Variants in LRP1B observed in about 807,000 individuals in gnomAD.
The protein encoded by LRP1B is LDL receptor related protein 1B.
LRP1B carries 217 observed loss-of-function variants against 556.6 expected under a neutral mutation model. The observed-to-expected ratio is 0.39, with a 90% confidence interval of 0.35 to 0.44. LRP1B has a LOEUF of 0.44. Among genes scored for constraint, LRP1B ranks in the 20% least tolerant of loss-of-function variants. The pLI is 1.00. For missense variants in LRP1B, 5,053 were observed against 5,620.8 expected (o/e 0.90, Z 3.23); for synonymous variants, 2,047 against 1,865.8 (o/e 1.10, Z -2.50).
chr2:141,364,733 G>C (rs554001882), intron 3 of LRP1B, among the ~76,000 whole-genome samples: 1 of 151,928 alleles, frequency 6.6e-6, no homozygotes, highest in Non-Finnish European at 1.5e-5. Context: ...TAGCATTTTC[G>C]TGCTCCTAAA....
At chr2:140,521,500 A>T (rs185914631) in intron 49 of LRP1B, among the ~76,000 whole-genome samples, 3 of 152,182 alleles carry the variant, frequency 2.0e-5, no homozygotes, top group Admixed American at 2.0e-4. Flanking sequence ...TTAAAGGACT[A>T]GATCACCACC....
At chr2:141,467,124 CTATATATATATATAT>C (rs1682255559) in intron 3 of LRP1B, among the ~76,000 whole-genome samples, 5 of 8,612 alleles carry the variant, frequency 5.8e-4, no homozygotes, top group Admixed American at 4.1e-3. Flanking sequence ...ATATATATAT[CTATATATATATATAT>C]ATATATATAT....
chr2:140,938,060 C>T (rs1028135629), intron 20 of LRP1B, among the ~76,000 whole-genome samples: 1 of 151,910 alleles, frequency 6.6e-6, no homozygotes, highest in African/African-American at 2.4e-5. Flanking sequence ...ACACAGGATG[C>T]AATCAGCTCC....
At chr2:141,336,817 T>C (rs1018574238) in intron 3 of LRP1B, among the ~76,000 whole-genome samples, 1 of 152,200 alleles carries the variant, frequency 6.6e-6, no homozygotes, top group East Asian at 1.9e-4. Flanking sequence ...TATAAAACTT[T>C]TAAGACTGAC....
At chr2:141,176,922 A>C (rs1430366565) in intron 7 of LRP1B, among the ~76,000 whole-genome samples, 1 of 152,136 alleles carries the variant, frequency 6.6e-6, no homozygotes, top group Non-Finnish European at 1.5e-5. Context: ...GGTTTCAGTT[A>C]CAGAGACAGA....
intron 1 of LRP1B, among the ~76,000 whole-genome samples, chr2:142,060,370 G>C (rs1055658402): frequency 2.0e-4 from 31 of 152,130 alleles, no homozygotes; most frequent in African/African-American, 7.5e-4. Flanking sequence ...TTAAATGCAA[G>C]AACCTCAAAG....
chr2:142,003,724 A>G (rs949510265), intron 1 of LRP1B, among the ~76,000 whole-genome samples: 17 of 152,208 alleles, frequency 1.1e-4, no homozygotes, highest in Non-Finnish European at 2.4e-4. Flanking sequence ...CAGTCTAAGA[A>G]TGGCTACCGT....
intron 24 of LRP1B, among the ~76,000 whole-genome samples, chr2:140,885,356 C>CT (rs548264984): frequency 0.05 from 6,957 of 138,872 alleles, 298 homozygotes; most frequent in African/African-American, 0.12. Flanking sequence ...CAACGGCTTC[C>CT]TTTTTTTTTT....
At chr2:140,338,096 G>C (rs1681189626) in intron 77 of LRP1B, among the ~76,000 whole-genome samples, 1 of 151,510 alleles carries the variant, frequency 6.6e-6, no homozygotes, top group African/African-American at 2.4e-5. Flanking sequence ...TTCATGATAA[G>C]TACAAGTTAT....
chr2:141,943,300 C>T (rs1405171301), intron 1 of LRP1B, among the ~76,000 whole-genome samples: 1 of 151,918 alleles, frequency 6.6e-6, no homozygotes, highest in Non-Finnish European at 1.5e-5. Flanking sequence ...GTATATATTC[C>T]GAAGTGTTAT....
intron 20 of LRP1B, among the ~76,000 whole-genome samples, chr2:140,944,667 A>T (rs542108590): frequency 2.0e-5 from 3 of 152,164 alleles, no homozygotes; most frequent in Non-Finnish European, 2.9e-5. Context: ...AAACCATATG[A>T]TCATCTCAAT....
chr2:140,748,354 A>AT, intron 35 of LRP1B, among the ~76,000 whole-genome samples: 1 of 85,206 alleles, frequency 1.2e-5, no homozygotes, highest in South Asian at 4.0e-4. Flanking sequence ...ATATTCATAT[A>AT]TAATATATAT....
chr2:141,167,262 T>C (rs1337654218), intron 7 of LRP1B: 1 of 151,912 alleles, frequency 6.6e-6, no homozygotes, highest in African/African-American at 2.4e-5. Context: ...ATATTTAATG[T>C]ATGGGATGCC....
At chr2:141,093,050 G>GTTT (rs34579717) in intron 7 of LRP1B, among the ~76,000 whole-genome samples, 3 of 147,808 alleles carry the variant, frequency 2.0e-5, no homozygotes, top group Non-Finnish European at 4.5e-5. Context: ...CTTTTTTGTT[G>GTTT]TTTTTTTTTT....
chr2:141,056,399 C>G (rs754203335), intron 9 of LRP1B, among the ~76,000 whole-genome samples: 8 of 151,812 alleles, frequency 5.3e-5, no homozygotes, highest in Non-Finnish European at 7.4e-5. Flanking sequence ...CCACAACAAT[C>G]CTTCCTTCAA....
intron 43 of LRP1B, among the ~76,000 whole-genome samples, chr2:140,595,731 A>G (rs1307387996): frequency 4.6e-5 from 7 of 152,262 alleles, no homozygotes; most frequent in Admixed American, 3.9e-4. Flanking sequence ...TAATAAACAA[A>G]ACATGCACAT....
At chr2:142,086,610 C>A (rs1298679624) in intron 1 of LRP1B, among the ~76,000 whole-genome samples, 1 of 99,876 alleles carries the variant, frequency 1.0e-5, no homozygotes, top group East Asian at 2.9e-4. Flanking sequence ...GACTCCATCT[C>A]AAAAACAAAC....
intron 2 of LRP1B, among the ~76,000 whole-genome samples, chr2:141,659,452 A>G (rs1690130641): frequency 6.6e-6 from 1 of 152,144 alleles, no homozygotes; most frequent in South Asian, 2.1e-4. Flanking sequence ...TAAAAATAGA[A>G]GACAACATTT....
At chr2:141,094,131 G>T (rs1398064276) in intron 7 of LRP1B, among the ~76,000 whole-genome samples, 1 of 152,038 alleles carries the variant, frequency 6.6e-6, no homozygotes, top group African/African-American at 2.4e-5. Context: ...TAAAGAGAAG[G>T]CAATAAGGTG....
Sources: gnomAD v4.1 joint callset for allele counts (sites outside exome capture counted in the v4.1 genomes callset) on GRCh38, gnomAD v4.1.1 for gene constraint, MANE v1.5 for transcripts, NCBI Gene and HGNC (gene_info 2026-07-23, HGNC 2026-07-21) for gene names.